Variants in SPPL3 observed in about 807,000 individuals in gnomAD.
SPPL3 encodes signal peptide peptidase-like 3.
SPPL3 carries 5 observed loss-of-function variants against 42.4 expected under a neutral mutation model. The ratio of observed to expected loss-of-function variants is 0.12; its 90% CI spans 0.06 to 0.25. The LOEUF (loss-of-function observed/expected upper bound fraction) is 0.25, where lower values mean the gene tolerates loss of function less well. Among genes scored for constraint, SPPL3 ranks in the 10% least tolerant of loss-of-function variants. The pLI, the probability that SPPL3 is intolerant of heterozygous loss-of-function variation, is 1.00. For synonymous variants in SPPL3, 195 were observed against 181.8 expected (o/e 1.07, Z -0.58); for missense variants, 235 against 489.0 (o/e 0.48, Z 4.90).
In SPPL3 at chr12:120,787,680, C is replaced by T. The variant is rs59326260; in HGVS notation, c.191-3087G>A. On this transcript the variant is annotated intron_variant, in intron 3 of 10. Transcript: ENST00000353487. ...CTACTTTCTCTCTCTCTCTCATTCT[C>T]CTGAAGGGAACCGCTATCCTGACTT... Among the ~76,000 whole-genome samples the T allele has an allele frequency of 1.1e-3, 161 of 152,236 alleles. 1 individual carries two copies. In the East Asian group the frequency reaches 0.028, roughly 27 times the overall value.
intron 2 of SPPL3, among the ~76,000 whole-genome samples, chr12:120,803,067 C>A (rs1174965893): frequency 1.3e-5 from 2 of 152,140 alleles, no homozygotes; most frequent in East Asian, 3.8e-4. Context: ...TCTGTCTGAT[C>A]TTAAGGCCAA....
intron 3 of SPPL3, among the ~76,000 whole-genome samples, chr12:120,787,076 TA>T (rs1214842291): frequency 6.6e-6 from 1 of 152,134 alleles, no homozygotes; most frequent in African/African-American, 2.4e-5. Context: ...ATAAAACCAA[TA>T]ACTATTAAGA....
At chr12:120,834,226 T>C (rs1298250450) in intron 1 of SPPL3, among the ~76,000 whole-genome samples, 1 of 152,212 alleles carries the variant, frequency 6.6e-6, no homozygotes, top group Non-Finnish European at 1.5e-5. Flanking sequence ...TGAGAATGTT[T>C]CAGTTCATTT....
intron 1 of SPPL3, among the ~76,000 whole-genome samples, chr12:120,899,340 T>C (rs544106686): frequency 1.3e-5 from 2 of 152,318 alleles, no homozygotes; most frequent in African/African-American, 4.8e-5. Context: ...TTATAAACAC[T>C]TATTTTTCAC....
intron 1 of SPPL3, among the ~76,000 whole-genome samples, chr12:120,840,005 G>C (rs2137024917): frequency 6.6e-6 from 1 of 152,238 alleles, no homozygotes; most frequent in African/African-American, 2.4e-5. Context: ...ATATGGCCTA[G>C]AGTGGTGGCT....
chr12:120,861,455 AT>A (rs892136206), intron 1 of SPPL3, among the ~76,000 whole-genome samples: 29 of 151,936 alleles, frequency 1.9e-4, no homozygotes, highest in Admixed American at 3.9e-4. Flanking sequence ...AAAGAGTAAG[AT>A]TTTTTTTTAT....
chr12:120,784,234 C>T (rs1271473961), intron 4 of SPPL3: 4 of 331,832 alleles, frequency 1.2e-5, no homozygotes, highest in African/African-American at 2.2e-5. Context: ...AATTCCTGCA[C>T]TTTGACGTCT....
chr12:120,859,938 A>T (rs1166641713), intron 1 of SPPL3, among the ~76,000 whole-genome samples: 1 of 152,040 alleles, frequency 6.6e-6, no homozygotes, highest in Non-Finnish European at 1.5e-5. Flanking sequence ...GCAAGACTCC[A>T]ACTCAAACAA....
At chr12:120,866,626 C>T (rs1354013883) in intron 1 of SPPL3, among the ~76,000 whole-genome samples, 4 of 152,168 alleles carry the variant, frequency 2.6e-5, no homozygotes, top group African/African-American at 7.2e-5. Flanking sequence ...TATTCTAAGA[C>T]ACAATGGATT....
chr12:120,882,830 T>C (rs1025776009), intron 1 of SPPL3, among the ~76,000 whole-genome samples: 14 of 152,086 alleles, frequency 9.2e-5, no homozygotes, highest in South Asian at 4.2e-4. Flanking sequence ...GAGTTCAAGG[T>C]TACAGTTAAC....
At chr12:120,808,433 T>C (rs1321672256) in intron 2 of SPPL3, among the ~76,000 whole-genome samples, 1 of 152,188 alleles carries the variant, frequency 6.6e-6, no homozygotes, top group Admixed American at 6.5e-5. Flanking sequence ...ATCTATATAA[T>C]TCTATGATAC....
At chr12:120,805,812 C>G (rs568727800) in intron 2 of SPPL3, among the ~76,000 whole-genome samples, 1 of 152,034 alleles carries the variant, frequency 6.6e-6, no homozygotes, top group South Asian at 2.1e-4. Flanking sequence ...ATAGTGCAAG[C>G]CTTGCACACT....
intron 6 of SPPL3, among the ~76,000 whole-genome samples, chr12:120,775,917 C>T (rs1246428592): frequency 6.6e-6 from 1 of 151,988 alleles, no homozygotes; most frequent in Non-Finnish European, 1.5e-5. Flanking sequence ...AAAAACCCAG[C>T]CACCAAATAT....
At chr12:120,835,598 T>C (rs1871591085) in intron 1 of SPPL3, 1 of 152,214 alleles carries the variant, frequency 6.6e-6, no homozygotes, top group Non-Finnish European at 1.5e-5. Context: ...ATTGAAAAAC[T>C]CTTCTCCCTC....
chr12:120,902,169 G>C (rs1874002582), intron 1 of SPPL3, among the ~76,000 whole-genome samples: 1 of 152,190 alleles, frequency 6.6e-6, no homozygotes, highest in Non-Finnish European at 1.5e-5. Context: ...TATGAAATTA[G>C]CTTAAACCTC....
chr12:120,890,588 CAAAA>C (rs34253596), intron 1 of SPPL3, among the ~76,000 whole-genome samples: 4 of 91,434 alleles, frequency 4.4e-5, no homozygotes, highest in South Asian at 3.5e-4. Flanking sequence ...GACTCCGTCT[CAAAA>C]AAAAAAAAAA....
intron 6 of SPPL3, among the ~76,000 whole-genome samples, chr12:120,781,564 T>G (rs927968041): frequency 3.6e-4 from 31 of 86,576 alleles, no homozygotes; most frequent in Admixed American, 1.2e-3. Flanking sequence ...CGTTTTTTTT[T>G]TTTTTTTTTT....
At chr12:120,844,265 CAT>C (rs1044209820) in intron 1 of SPPL3, among the ~76,000 whole-genome samples, 5 of 152,180 alleles carry the variant, frequency 3.3e-5, no homozygotes, top group Non-Finnish European at 5.9e-5. Flanking sequence ...ACCTCCAAAA[CAT>C]AGCCTAAACC....
At chr12:120,802,923 T>C (rs1870365665) in intron 2 of SPPL3, among the ~76,000 whole-genome samples, 1 of 152,202 alleles carries the variant, frequency 6.6e-6, no homozygotes, top group Non-Finnish European at 1.5e-5. Context: ...TTTGCTGAAA[T>C]ACATTTTCAT....
Sources: allele counts gnomAD v4.1 joint callset (sites outside exome capture counted in the v4.1 genomes callset), GRCh38; gene constraint gnomAD v4.1.1; transcripts MANE v1.5; gene names NCBI Gene and HGNC (gene_info 2026-07-23, HGNC 2026-07-21).